PIK3R3: variants seen among roughly 807,000 people sequenced by gnomAD.
PIK3R3 encodes the protein phosphatidylinositol 3-kinase regulatory subunit gamma.
In PIK3R3, 64 loss-of-function variants were observed where a neutral mutation model predicts 62.9. The observed-to-expected ratio is 1.02, with a 90% CI of 0.83 to 1.25. PIK3R3 has a LOEUF of 1.25. Among genes scored for constraint, PIK3R3 ranks in the 50% most tolerant of loss-of-function variants. PIK3R3 has a pLI of 0.00. For synonymous variants in PIK3R3, 165 were observed against 189.0 expected (o/e 0.87, Z 1.04); for missense variants, 614 against 561.6 (o/e 1.09, Z -0.94).
intron 1 of PIK3R3, among the ~76,000 whole-genome samples, chr1:46,100,504 C>T (rs1031309474): frequency 6.6e-6 from 1 of 152,110 alleles, no homozygotes; most frequent in African/African-American, 2.4e-5. Flanking sequence ...TATCCTGTGC[C>T]AATACCACAT....
At chr1:46,130,460 C>G (rs1367067091) in intron 1 of PIK3R3, among the ~76,000 whole-genome samples, 2 of 151,576 alleles carry the variant, frequency 1.3e-5, no homozygotes, top group Non-Finnish European at 2.9e-5. Flanking sequence ...GCAAATAAAG[C>G]TCTGAAATAA....
chr1:46,139,752 C>T, the PIK3R3 span, among the ~76,000 whole-genome samples: 1 of 152,172 alleles, frequency 6.6e-6, no homozygotes, highest in African/African-American at 2.4e-5. Flanking sequence ...TGAGTATTAA[C>T]CTCACACTTC....
chr1:46,095,312 A>G (rs1652015973), intron 1 of PIK3R3, among the ~76,000 whole-genome samples: 1 of 152,210 alleles, frequency 6.6e-6, no homozygotes, highest in Admixed American at 6.5e-5. Context: ...AAAAAGGAAC[A>G]AGATAATGTC....
At chr1:46,051,320 G>T (rs1358891082) in intron 7 of PIK3R3, among the ~76,000 whole-genome samples, 1 of 151,800 alleles carries the variant, frequency 6.6e-6, no homozygotes, top group African/African-American at 2.4e-5. Context: ...GAGTGCAGTG[G>T]GGCGATCTCA....
At chr1:46,120,645 A>G (rs1189692521) in intron 1 of PIK3R3, among the ~76,000 whole-genome samples, 1 of 152,226 alleles carries the variant, frequency 6.6e-6, no homozygotes, top group Non-Finnish European at 1.5e-5. Flanking sequence ...ATAACTTGCT[A>G]ATACTGTTTA....
the PIK3R3 span, among the ~76,000 whole-genome samples, chr1:46,152,921 C>T: frequency 6.6e-6 from 1 of 152,198 alleles, no homozygotes; most frequent in African/African-American, 2.4e-5. Flanking sequence ...GAAGACCTTG[C>T]TGGGCTCTCT....
At chr1:46,095,417 A>C (rs933709302) in intron 1 of PIK3R3, among the ~76,000 whole-genome samples, 1 of 152,190 alleles carries the variant, frequency 6.6e-6, no homozygotes, top group African/African-American at 2.4e-5. Flanking sequence ...AGAAAACCAA[A>C]CACTGCTTAT....
At chr1:46,109,031 C>T (rs569844752) in intron 1 of PIK3R3, among the ~76,000 whole-genome samples, 117 of 152,098 alleles carry the variant, frequency 7.7e-4, no homozygotes, top group Middle Eastern at 3.4e-3. Flanking sequence ...TGGTAGTGAG[C>T]GCCTATAGTC....
intron 3 of PIK3R3, among the ~76,000 whole-genome samples, chr1:46,074,064 C>A (rs1244622188): frequency 6.8e-6 from 1 of 146,240 alleles, no homozygotes; most frequent in Non-Finnish European, 1.5e-5. Flanking sequence ...CCGAGGCGGG[C>A]GGATCACGAG....
intron 5 of PIK3R3, among the ~76,000 whole-genome samples, chr1:46,065,018 C>G (rs1476557021): frequency 6.6e-6 from 1 of 152,120 alleles, no homozygotes; most frequent in East Asian, 1.9e-4. Flanking sequence ...TAAGAATTCA[C>G]TAGGAATTAA....
intron 7 of PIK3R3, among the ~76,000 whole-genome samples, chr1:46,053,884 C>T (rs888086737): frequency 1.3e-5 from 2 of 152,122 alleles, no homozygotes; most frequent in Non-Finnish European, 2.9e-5. Flanking sequence ...CTTTCTTCAG[C>T]TTCATGATGT....
chr1:46,151,175 A>G, the PIK3R3 span, among the ~76,000 whole-genome samples: 1 of 152,018 alleles, frequency 6.6e-6, no homozygotes, highest in Non-Finnish European at 1.5e-5. Flanking sequence ...TCTCCTGAAC[A>G]TTGCCAACAT....
Position 46,043,828 on chromosome 1 carries a change from G to A in PIK3R3, c.1231C>T (p.Arg411Trp), listed in dbSNP as rs200960469. Residue 411 changes from arginine (R) to tryptophan (W), a missense_variant, in exon 10 of 10, where the codon CGG (arginine) becomes TGG (tryptophan). Transcript: ENST00000262741. ...VKHCVIYSTA[R>W]GYGFAEPYNL... ...TAGGGCTCTGCAAAGCCATAGCCCC[G>A]AGCAGTGCTGTAGATCACACAGTGC... The A allele has an allele frequency of 1.5e-5, 25 of 1,613,934 alleles. No individual in the cohort carries two copies. Among genetic ancestry groups the A allele is most frequent in the East Asian group, 2.2e-5 (1 of 44,894 alleles).
chr1:46,046,178 C>A, intron 8 of PIK3R3, 90 bp from the exon 9 acceptor site: 4 of 795,668 alleles, frequency 5.0e-6, no homozygotes, highest in Non-Finnish European at 7.9e-6. Context: ...AATCTTTAAA[C>A]CACAAATAAC....
intron 7 of PIK3R3, among the ~76,000 whole-genome samples, chr1:46,050,368 C>T (rs572248381): frequency 3.7e-4 from 56 of 152,134 alleles, no homozygotes; most frequent in African/African-American, 1.3e-3. Flanking sequence ...AGTTCGAGAC[C>T]AGCCTGGCCA....
chr1:46,078,197 A>C (rs1330043915), intron 2 of PIK3R3, among the ~76,000 whole-genome samples: 1 of 152,218 alleles, frequency 6.6e-6, no homozygotes, highest in Non-Finnish European at 1.5e-5. Flanking sequence ...AAATTTAAAA[A>C]AAGACTTTTA....
At chr1:46,119,728 T>A (rs544067923) in intron 1 of PIK3R3, among the ~76,000 whole-genome samples, 1 of 151,976 alleles carries the variant, frequency 6.6e-6, no homozygotes, top group Admixed American at 6.6e-5. Context: ...CTTGGCCTTG[T>A]AAGTAGCTGA....
chr1:46,043,826 C>G lies in PIK3R3; in HGVS notation c.1233G>C (p.Arg411=). 2 of 1,614,082 alleles carry G rather than the reference C, an allele frequency of 1.2e-6. No individual in the cohort carries two copies. Among genetic ancestry groups the G allele is most frequent in the Admixed American group, 1.7e-5 (1 of 60,014 alleles). The change falls in exon 10 of 10, where the codon CGG becomes CGC. Residue 411 remains arginine (R), a synonymous_variant. Transcript: ENST00000262741. ...TGTAGGGCTCTGCAAAGCCATAGCC[C>G]CGAGCAGTGCTGTAGATCACACAGT... ...VKHCVIYSTA[R]GYGFAEPYNL...
chr1:46,087,743 C>A (rs1210273926), intron 1 of PIK3R3, among the ~76,000 whole-genome samples: 1 of 152,054 alleles, frequency 6.6e-6, no homozygotes, highest in Non-Finnish European at 1.5e-5. Flanking sequence ...AGGTATTCAT[C>A]ACCTTATCAC....
Sources: allele counts gnomAD v4.1 joint callset (sites outside exome capture counted in the v4.1 genomes callset), GRCh38; gene constraint gnomAD v4.1.1; transcripts MANE v1.5; gene names NCBI Gene and HGNC (gene_info 2026-07-23, HGNC 2026-07-21).